The following NRG1 variants were observed in gnomAD, a reference collection of about 807,000 sequenced individuals.
The protein encoded by NRG1 is pro-neuregulin-1, membrane-bound isoform.
Under a neutral mutation model 63.8 loss-of-function variants are expected in NRG1, and 18 were observed. That is an observed-to-expected ratio of 0.28 (90% CI 0.19 to 0.42). The LOEUF is 0.42. NRG1 is among the 10% of genes least tolerant of loss of function. The pLI is 1.00. For missense variants in NRG1, 762 were observed against 814.7 expected (o/e 0.94, Z 0.79); for synonymous variants, 302 against 301.3 (o/e 1.00, Z -0.02).
At chr8:32,363,193 T>C (rs1333101052) in intron 1 of NRG1, among the ~76,000 whole-genome samples, 1 of 152,200 alleles carries the variant, frequency 6.6e-6, no homozygotes, top group Non-Finnish European at 1.5e-5. Flanking sequence ...TGATCCCTGG[T>C]GATAAACAAC....
chr8:32,764,042 G>A (rs1831180680), exon 12 of NRG1: 1 of 1,614,084 alleles, frequency 6.2e-7, no homozygotes, highest in South Asian at 1.1e-5. Flanking sequence ...GGATAGTGGA[G>A]GATGAGGAGT....
At chr8:32,175,589 T>G (rs954852532) in intron 1 of NRG1, among the ~76,000 whole-genome samples, 3 of 152,164 alleles carry the variant, frequency 2.0e-5, no homozygotes, top group Admixed American at 6.5e-5. Context: ...AACCCCATTG[T>G]CTCAGCCCAA....
intron 1 of NRG1, among the ~76,000 whole-genome samples, chr8:32,379,562 T>C (rs562099514): frequency 4.6e-5 from 7 of 152,212 alleles, no homozygotes; most frequent in Non-Finnish European, 7.3e-5. Context: ...ATGATTGATA[T>C]AACAAATTAT....
At chr8:32,408,199 G>A (rs1415243277) in intron 1 of NRG1, among the ~76,000 whole-genome samples, 1 of 152,160 alleles carries the variant, frequency 6.6e-6, no homozygotes, top group Non-Finnish European at 1.5e-5. Context: ...GTGATCATGT[G>A]TTCTCTATTT....
chr8:32,336,483 A>C (rs998205157), intron 1 of NRG1, among the ~76,000 whole-genome samples: 1 of 152,302 alleles, frequency 6.6e-6, no homozygotes, highest in African/African-American at 2.4e-5. Context: ...TCATGGCAGG[A>C]ATGAGCCTAT....
At chr8:32,457,202 A>G (rs1821708316) in intron 1 of NRG1, among the ~76,000 whole-genome samples, 1 of 152,212 alleles carries the variant, frequency 6.6e-6, no homozygotes, top group South Asian at 2.1e-4. Flanking sequence ...ACTGAAATCT[A>G]TCACAGTTCG....
intron 1 of NRG1, among the ~76,000 whole-genome samples, chr8:31,839,775 G>A (rs983239618): frequency 6.6e-6 from 1 of 152,164 alleles, no homozygotes; most frequent in Non-Finnish European, 1.5e-5. Context: ...AACACTTTCA[G>A]CGTCTTAGCT....
chr8:31,974,199 T>C (rs576488445), intron 1 of NRG1, among the ~76,000 whole-genome samples: 1 of 152,256 alleles, frequency 6.6e-6, no homozygotes, highest in Admixed American at 6.5e-5. Flanking sequence ...AGGGACTCGC[T>C]GTGTCACCCA....
At chr8:32,179,850 G>A (rs1371823476) in intron 1 of NRG1, among the ~76,000 whole-genome samples, 4 of 151,822 alleles carry the variant, frequency 2.6e-5, no homozygotes, top group Non-Finnish European at 5.9e-5. Context: ...TCTACTTTTT[G>A]CATTTAATCG....
chr8:32,695,896 A>G (rs1386218700), intron 5 of NRG1, among the ~76,000 whole-genome samples: 2 of 152,256 alleles, frequency 1.3e-5, no homozygotes, highest in Non-Finnish European at 2.9e-5. Context: ...AACAGTCCAA[A>G]GGCAAAACAA....
chr8:31,712,812 G>A (rs117764174), intron 1 of NRG1, among the ~76,000 whole-genome samples: 2,422 of 152,150 alleles, frequency 0.016, 30 homozygotes, highest in Non-Finnish European at 0.024. Context: ...GTGTTTGTGA[G>A]GTGGGAAGAT....
At chr8:32,213,031 G>A (rs1844849872) in intron 1 of NRG1, among the ~76,000 whole-genome samples, 1 of 152,136 alleles carries the variant, frequency 6.6e-6, no homozygotes, top group East Asian at 1.9e-4. Flanking sequence ...TTGAGGTAAA[G>A]CAAAGTCTAC....
intron 1 of NRG1, among the ~76,000 whole-genome samples, chr8:32,475,334 G>C (rs1824378899): frequency 6.6e-6 from 1 of 151,700 alleles, no homozygotes; most frequent in Admixed American, 6.6e-5. Flanking sequence ...GTGTGGTGGG[G>C]CATGCCTGTA....
intron 1 of NRG1, among the ~76,000 whole-genome samples, chr8:32,197,411 T>C (rs1157911041): frequency 6.6e-6 from 1 of 152,194 alleles, no homozygotes; most frequent in African/African-American, 2.4e-5. Flanking sequence ...TTTCATGCTC[T>C]CTCTTAAAGG....
intron 1 of NRG1, among the ~76,000 whole-genome samples, chr8:31,773,824 T>A (rs1363930091): frequency 1.3e-5 from 2 of 152,046 alleles, no homozygotes; most frequent in South Asian, 2.1e-4. Flanking sequence ...CTTCTCTGAG[T>A]TTTTTATGAC....
intron 1 of NRG1, among the ~76,000 whole-genome samples, chr8:32,449,095 G>A (rs1820640174): frequency 6.6e-6 from 1 of 152,134 alleles, no homozygotes; most frequent in Non-Finnish European, 1.5e-5. Context: ...AGGAGTTTGA[G>A]ACCAGTCTGG....
chr8:32,752,326 G>T (rs1234864500), intron 7 of NRG1, among the ~76,000 whole-genome samples: 2 of 152,128 alleles, frequency 1.3e-5, no homozygotes, highest in African/African-American at 4.8e-5. Context: ...TTAATTCCCT[G>T]TCCTGTGGCT....
intron 1 of NRG1, among the ~76,000 whole-genome samples, chr8:31,761,237 A>G (rs770977864): frequency 2.6e-5 from 4 of 151,978 alleles, no homozygotes; most frequent in African/African-American, 4.8e-5. Context: ...TCACTCATAG[A>G]TGGGAATTGA....
At chr8:31,704,124 T>C (rs566254958) in intron 1 of NRG1, among the ~76,000 whole-genome samples, 1 of 152,306 alleles carries the variant, frequency 6.6e-6, no homozygotes, top group African/African-American at 2.4e-5. Flanking sequence ...TTGGCTTAAG[T>C]TGCCCTATAT....
Sources: allele counts gnomAD v4.1 joint callset (sites outside exome capture counted in the v4.1 genomes callset), GRCh38; gene constraint gnomAD v4.1.1; transcripts MANE v1.5; gene names NCBI Gene and HGNC (gene_info 2026-07-23, HGNC 2026-07-21).